The following MLLT10 variants were observed in gnomAD, a reference collection of about 807,000 sequenced individuals.
The protein encoded by MLLT10 is MLLT10 histone lysine methyltransferase DOT1L cofactor, also known as protein AF-10.
A neutral mutation model predicts 129.1 loss-of-function variants in MLLT10; 30 were observed. The ratio of observed to expected loss-of-function variants is 0.23; its 90% confidence interval spans 0.17 to 0.32. MLLT10 has a LOEUF of 0.32. MLLT10 is among the 10% of genes least tolerant of loss of function. The probability of loss-of-function intolerance (pLI) is 1.00; values close to 1 mark genes in which losing one functional copy is unlikely to be tolerated. For missense variants in MLLT10, 1,119 were observed against 1,268.3 expected, an observed-to-expected ratio of 0.88 and a Z score of 1.79; for synonymous variants, 490 against 446.4, an observed-to-expected ratio of 1.10 and a Z score of -1.23.
At chr10:21,582,185 A>T (rs2131077391) in intron 3 of MLLT10, among the ~76,000 whole-genome samples, 1 of 151,816 alleles carries the variant, frequency 6.6e-6, no homozygotes. Flanking sequence ...GTGCAGTGGA[A>T]CGATCTTGGC....
At chr10:21,557,270 GT>G in intron 3 of MLLT10, 2 of 809,628 alleles carry the variant, frequency 2.5e-6, no homozygotes, top group Non-Finnish European at 3.2e-6. Flanking sequence ...TATGAAATCT[GT>G]ATTTGATATA....
rs149383903 is a variant in MLLT10 at position 21,709,372 on chromosome 10, C to T, written c.1700-4400C>T. 2.0e-3 allele frequency among the ~76,000 whole-genome samples: 306 copies of T among 152,278 alleles called. 2 individuals carry two copies. Among genetic ancestry groups the T allele is most frequent in the Non-Finnish European group, 2.3e-3 (158 of 68,028 alleles). On this transcript the variant is annotated intron_variant, in intron 13 of 22. Coordinates refer to ENST00000307729, the MANE Select transcript of MLLT10 (RefSeq NM_001195626.3). ...TCAGCCTCTCGAGTAACTGGGACTA[C>T]AGGCATGCGCCGCCATGCCTGGCTA...
At chr10:21,638,590 C>T (rs2047684283) in intron 8 of MLLT10, among the ~76,000 whole-genome samples, 1 of 151,940 alleles carries the variant, frequency 6.6e-6, no homozygotes, top group Non-Finnish European at 1.5e-5. Flanking sequence ...GCCTGTAATC[C>T]CAACATTTTG....
At chr10:21,594,179 G>C (rs553883897) in intron 4 of MLLT10, among the ~76,000 whole-genome samples, 5 of 151,934 alleles carry the variant, frequency 3.3e-5, no homozygotes, top group Non-Finnish European at 5.9e-5. Flanking sequence ...TGAAACGAGA[G>C]GGGTTTACTT....
At chr10:21,634,162 C>T (rs997548845) in intron 8 of MLLT10, among the ~76,000 whole-genome samples, 1 of 152,078 alleles carries the variant, frequency 6.6e-6, no homozygotes, top group African/African-American at 2.4e-5. Context: ...ATCACTTGAA[C>T]CCAGGAGGCA....
At chr10:21,601,412 T>A in intron 5 of MLLT10, among the ~76,000 whole-genome samples, 1 of 152,224 alleles carries the variant, frequency 6.6e-6, no homozygotes, top group Non-Finnish European at 1.5e-5. Flanking sequence ...CAGCAAGCAT[T>A]CCAATCTAAA....
At chr10:21,642,547 C>T (rs1009136231) in intron 8 of MLLT10, among the ~76,000 whole-genome samples, 2 of 150,812 alleles carry the variant, frequency 1.3e-5, no homozygotes, top group Admixed American at 6.6e-5. Context: ...ATCCCAGGTA[C>T]TCGGGAGGAT....
At chr10:21,560,010 C>CTT (rs1188385867) in intron 3 of MLLT10, among the ~76,000 whole-genome samples, 1 of 150,620 alleles carries the variant, frequency 6.6e-6, no homozygotes, top group Non-Finnish European at 1.5e-5. Context: ...TTCCGTTTGG[C>CTT]TTTTTTTTTC....
chr10:21,557,960 T>C (rs1172447532), intron 3 of MLLT10: 2 of 144,206 alleles, frequency 1.4e-5, no homozygotes, highest in African/African-American at 5.2e-5. Context: ...TTTTTTTTTT[T>C]TTTTTTGGAG....
At chr10:21,561,691 C>T (rs142215873) in intron 3 of MLLT10, among the ~76,000 whole-genome samples, 1,833 of 152,338 alleles carry the variant, frequency 0.012, 18 homozygotes, top group Middle Eastern at 0.058. Context: ...GTTGAAAAGA[C>T]TCTCTTTCCC....
At chr10:21,580,271 A>C (rs1426049239) in intron 3 of MLLT10, among the ~76,000 whole-genome samples, 1 of 151,964 alleles carries the variant, frequency 6.6e-6, no homozygotes, top group East Asian at 1.9e-4. Flanking sequence ...ATTAGCATTT[A>C]GTGACATTTT....
chr10:21,594,955 A>G (rs997984954), intron 4 of MLLT10, among the ~76,000 whole-genome samples: 4 of 152,218 alleles, frequency 2.6e-5, no homozygotes, highest in Non-Finnish European at 4.4e-5. Flanking sequence ...GACATTTAAA[A>G]TGATTAAGAT....
chr10:21,571,226 C>T (rs984344093), intron 3 of MLLT10, among the ~76,000 whole-genome samples: 3 of 152,216 alleles, frequency 2.0e-5, no homozygotes, highest in African/African-American at 4.8e-5. Context: ...GGTGATTTCT[C>T]ATCTTGCCAT....
At position 21,534,685 on chromosome 10, in the gene MLLT10, T is replaced by G; in HGVS notation, c.41T>G (p.Val14Gly). 6.2e-7 allele frequency: 1 copy of G among 1,611,952 alleles called. No individual in the cohort carries two copies. Among genetic ancestry groups the G allele is most frequent in the Non-Finnish European group, 8.5e-7 (1 of 1,178,900 alleles). The stretch of plus-strand genomic sequence containing the variant: ...CGGCCCGTGTCACTGGAGGACGAGG[T>G]CTCCCATAGTATGAAGGAGATGATT... ...SDRPVSLEDE[V>G]SHSMKEMIGG... The change falls in exon 2 of 23, where the codon GTC (valine) becomes GGC (glycine). Residue 14 changes from valine (V) to glycine (G), a missense_variant. This residue lies in a region of MLLT10 where 35 missense variants were observed against 26.0 expected (regional missense o/e 1.35). Transcript: ENST00000307729.
intron 10 of MLLT10, among the ~76,000 whole-genome samples, chr10:21,671,901 C>G (rs141079178): frequency 0.019 from 2,917 of 152,016 alleles, 88 homozygotes; most frequent in African/African-American, 0.066. Flanking sequence ...TACAGTGAGC[C>G]GTGATTGTGC....
chr10:21,641,912 C>G (rs1224120772), intron 8 of MLLT10, among the ~76,000 whole-genome samples: 1 of 152,166 alleles, frequency 6.6e-6, no homozygotes, highest in Admixed American at 6.5e-5. Context: ...TGTGGCAGAG[C>G]ATTGTTGACT....
At chr10:21,597,309 A>G (rs535059588) in intron 5 of MLLT10, among the ~76,000 whole-genome samples, 13 of 152,306 alleles carry the variant, frequency 8.5e-5, no homozygotes, top group Admixed American at 4.6e-4. Flanking sequence ...ATGTTTTTGT[A>G]GGCATATTCT....
chr10:21,581,058 T>G (rs1369654831), intron 3 of MLLT10, among the ~76,000 whole-genome samples: 1 of 150,172 alleles, frequency 6.7e-6, no homozygotes, highest in African/African-American at 2.4e-5. Context: ...TTTTTTTTTT[T>G]TTTTTGAGAC....
rs1357008111 is a variant in MLLT10, at chr10:21,734,080, A to C, written c.2809A>C (p.Thr937Pro). Residue 937 changes from threonine to proline, a missense_variant, in exon 20 of 23, where the codon ACC (threonine) becomes CCC (proline). Thr to Pro is a conservative substitution (Grantham distance 38). Around this residue, in one of 5 missense-constraint regions of MLLT10, gnomAD observed 1,004 missense variants for 1,008.7 expected, o/e 1.00. Transcript: ENST00000307729. ...GAACCCTACCCCTCTCACCCACACAACCGTACCACCTAATGCAACACATCC... is the reference window on the plus strand; with the variant it reads ...GAACCCTACCCCTCTCACCCACACACCCGTACCACCTAATGCAACACATCC... Reference protein sequence around the residue: ...SQNPTPLTHTTVPPNATHPMP... With the variant: ...SQNPTPLTHTPVPPNATHPMP... 13 of 1,613,700 alleles carry C rather than the reference A, an allele frequency of 8.1e-6. No homozygotes were observed. Among genetic ancestry groups the C allele is most frequent in the South Asian group, 4.4e-5 (4 of 91,038 alleles).
Sources: gnomAD v4.1 joint callset for allele counts (sites outside exome capture counted in the v4.1 genomes callset) on GRCh38, gnomAD v4.1.1 for gene constraint, gnomAD v4.1.1 regional missense constraint, MANE v1.5 for transcripts, NCBI Gene and HGNC (gene_info 2026-07-23, HGNC 2026-07-21) for gene names.